The following ENOX2 variants were observed in gnomAD, a reference collection of about 807,000 sequenced individuals.
The protein encoded by ENOX2 is ecto-NOX disulfide-thiol exchanger 2.
ENOX2 carries 36 observed loss-of-function variants against 45.0 expected under a neutral mutation model. The observed-to-expected ratio is 0.80, with a 90% confidence interval of 0.61 to 1.06. The LOEUF is 1.06. ENOX2 is among the 50% of genes least tolerant of loss of function. The pLI, the probability that ENOX2 is intolerant of heterozygous loss-of-function variation, is 0.00. For missense variants in ENOX2, 423 were observed against 462.5 expected, an observed-to-expected ratio of 0.91 and a Z score of 0.78; for synonymous variants, 174 against 152.3, an observed-to-expected ratio of 1.14 and a Z score of -1.05.
chrX:130,763,062 C>T (rs1255988694), intron 3 of ENOX2, among the ~76,000 whole-genome samples: 3 of 112,277 alleles, frequency 2.7e-5, no homozygotes, highest in Non-Finnish European at 5.6e-5. Flanking sequence ...ACTTTTATCA[C>T]TATATAATCT....
chrX:130,814,103 C>T (rs1343668019), intron 2 of ENOX2, among the ~76,000 whole-genome samples: 1 of 112,024 alleles, frequency 8.9e-6, no homozygotes, highest in Non-Finnish European at 1.9e-5. Context: ...TGGTTTCCCC[C>T]TCACACTGTA....
chrX:130,829,208 C>A (rs2077775896), intron 2 of ENOX2, among the ~76,000 whole-genome samples: 1 of 110,974 alleles, frequency 9.0e-6, no homozygotes, highest in South Asian at 3.8e-4. Context: ...CATAAGAAGT[C>A]ATATATTAGG....
Position 130,729,365 on chromosome X carries a change from A to C in ENOX2, c.-38-26111T>G, listed in dbSNP as rs2038681509. Among the ~76,000 whole-genome samples the C allele has an allele frequency of 2.7e-5, 3 of 112,274 alleles. No individual in the cohort carries two copies. The South Asian group carries it at 1.1e-3, about 42-fold the overall frequency. On this transcript the variant is annotated intron_variant, in intron 3 of 14. Transcript: ENST00000394363. ...TCAGGATGTTTTCCAAATATCACTA[A>C]GAGAAATGATTTTCACAAGTGCAGA...
intron 2 of ENOX2, among the ~76,000 whole-genome samples, chrX:130,791,205 C>T (rs904911382): frequency 4.5e-5 from 5 of 111,456 alleles, no homozygotes; most frequent in Admixed American, 3.8e-4. Flanking sequence ...TTAGAGCATG[C>T]CTTGTGTTAC....
intron 2 of ENOX2, among the ~76,000 whole-genome samples, chrX:130,858,009 G>A (rs1193251600): frequency 9.0e-6 from 1 of 110,968 alleles, no homozygotes; most frequent in African/African-American, 3.3e-5. Context: ...CTACGCATTT[G>A]AGGTTGGTAT....
chrX:130,886,539 T>C (rs141099474), intron 2 of ENOX2, among the ~76,000 whole-genome samples: 368 of 112,434 alleles, frequency 3.3e-3, no homozygotes, highest in African/African-American at 0.011. Flanking sequence ...TGGACCATTA[T>C]GTTTCTGAAA....
chrX:130,876,251 C>T (rs1355489343), intron 2 of ENOX2, among the ~76,000 whole-genome samples: 1 of 112,053 alleles, frequency 8.9e-6, no homozygotes, highest in Admixed American at 9.4e-5. Context: ...TACAGTGGAA[C>T]ATTACCCAAC....
chrX:130,680,796 C>G (rs1432833816), intron 5 of ENOX2, among the ~76,000 whole-genome samples: 1 of 112,387 alleles, frequency 8.9e-6, no homozygotes, highest in Non-Finnish European at 1.9e-5. Flanking sequence ...AGCTCACATG[C>G]AAAAATAAAT....
chrX:130,627,556 G>A (rs1179248837), intron 14 of ENOX2, among the ~76,000 whole-genome samples: 1 of 111,578 alleles, frequency 9.0e-6, no homozygotes, highest in Non-Finnish European at 1.9e-5. Flanking sequence ...ACTCCAGCCT[G>A]GGCAACAGAG....
chrX:130,704,006 A>C (rs2037973612), intron 3 of ENOX2, among the ~76,000 whole-genome samples: 1 of 111,968 alleles, frequency 8.9e-6, no homozygotes, highest in Non-Finnish European at 1.9e-5. Flanking sequence ...ATTCTCATTT[A>C]ACTTTCAGAA....
intron 10 of ENOX2, among the ~76,000 whole-genome samples, chrX:130,652,255 C>A (rs912994986): frequency 7.1e-5 from 8 of 112,020 alleles, no homozygotes; most frequent in African/African-American, 2.6e-4. Flanking sequence ...CAACCCAATT[C>A]GTTTCTAGTT....
At chrX:130,897,244 G>C (rs910506973) in intron 2 of ENOX2, among the ~76,000 whole-genome samples, 1 of 111,990 alleles carries the variant, frequency 8.9e-6, no homozygotes, top group Non-Finnish European at 1.9e-5. Flanking sequence ...TGTGTGAAGT[G>C]TTATGTACAC....
chrX:130,679,428 A>G (rs753233031), intron 6 of ENOX2, 114 bp downstream of exon 6: 1 of 579,136 alleles, frequency 1.7e-6, no homozygotes, highest in African/African-American at 2.3e-5. Context: ...TCCACCTCTG[A>G]AGGCAAGAGC....
chrX:130,833,011 T>TCA (rs10568834), intron 2 of ENOX2, among the ~76,000 whole-genome samples: 5,844 of 82,856 alleles, frequency 0.071, 177 homozygotes, highest in African/African-American at 0.083. Flanking sequence ...TCATGTATAA[T>TCA]CACACACACA....
chrX:130,811,631 G>C (rs2077390771), intron 2 of ENOX2, among the ~76,000 whole-genome samples: 1 of 112,294 alleles, frequency 8.9e-6, no homozygotes, highest in Non-Finnish European at 1.9e-5. Flanking sequence ...TAAATGTGCA[G>C]ATACCAATCC....
chrX:130,811,514 T>C (rs1047573736), intron 2 of ENOX2, among the ~76,000 whole-genome samples: 36 of 112,569 alleles, frequency 3.2e-4, no homozygotes, highest in African/African-American at 9.7e-4. Flanking sequence ...CAAGCCTGCC[T>C]GTGGATCACA....
intron 2 of ENOX2, among the ~76,000 whole-genome samples, chrX:130,807,731 G>A (rs935880631): frequency 1.3e-4 from 14 of 111,803 alleles, no homozygotes; most frequent in Non-Finnish European, 2.6e-4. Flanking sequence ...GTGGCAATAG[G>A]TTGTGTTATG....
chrX:130,863,830 TTC>T (rs2078447382), intron 2 of ENOX2, among the ~76,000 whole-genome samples: 1 of 112,152 alleles, frequency 8.9e-6, no homozygotes, highest in African/African-American at 3.2e-5. Flanking sequence ...TTTTTTCTAT[TTC>T]TGTCTTCAAA....
At chrX:130,843,142 A>G (rs746131939) in intron 2 of ENOX2, among the ~76,000 whole-genome samples, 1 of 111,433 alleles carries the variant, frequency 9.0e-6, no homozygotes, top group Admixed American at 9.5e-5. Flanking sequence ...TCCCATAAAT[A>G]CGTTTACTCA....
Sources: gnomAD v4.1 joint callset for allele counts (sites outside exome capture counted in the v4.1 genomes callset) on GRCh38, gnomAD v4.1.1 for gene constraint, MANE v1.5 for transcripts, NCBI Gene and HGNC (gene_info 2026-07-23, HGNC 2026-07-21) for gene names.